Variants in ADAT2 observed in about 807,000 individuals in gnomAD.
ADAT2 encodes the protein tRNA-specific adenosine-34 deaminase catalytic subunit ADAT2.
ADAT2 carries 26 observed loss-of-function variants against 25.9 expected under a neutral mutation model. The observed-to-expected ratio is 1.00, with a 90% confidence interval of 0.74 to 1.39. The LOEUF (loss-of-function observed/expected upper bound fraction) is 1.39. Among genes scored for constraint, ADAT2 ranks in the 40% most tolerant of loss-of-function variants. ADAT2 has a pLI of 0.00. For missense variants in ADAT2, 220 were observed against 244.8 expected, an observed-to-expected ratio of 0.90 and a Z score of 0.68; for synonymous variants, 76 against 86.8, an observed-to-expected ratio of 0.88 and a Z score of 0.69.
Position 143,444,869 on chromosome 6 carries a change from A to G in ADAT2, c.96+5694T>C, listed in dbSNP as rs1779557539. The stretch of plus-strand genomic sequence containing the variant: ...GTTTATTATTTTCTCCAAAGACATT[A>G]CTACTATAAACTGCTTTCTAGTGAT... On this transcript the variant is annotated intron_variant, in intron 1 of 5. Coordinates refer to ENST00000237283, the MANE Select transcript of ADAT2 (RefSeq NM_182503.3). The surrounding 1 kb of genome is among the most constrained non-coding windows in gnomAD (Gnocchi z 4.3). The G allele has an allele frequency of 8.5e-7, 1 of 1,180,514 alleles. No homozygotes were observed. Among genetic ancestry groups the G allele is most frequent in the South Asian group, 1.4e-5 (1 of 71,868 alleles). The allele number at this position is 1,180,514 out of a possible 1,614,324, so 73.1% of individuals were successfully genotyped here.
At chr6:143,430,527 G>A (rs1417306525) in intron 4 of ADAT2, among the ~76,000 whole-genome samples, 2 of 152,058 alleles carry the variant, frequency 1.3e-5, no homozygotes, top group African/African-American at 4.8e-5. Context: ...ATCCATTATA[G>A]CAACAAATTT....
rs1386674438 is a variant in ADAT2 at position 143,424,736 on chromosome 6, G to GA, written c.*3726dup. The stretch of plus-strand genomic sequence containing the variant: ...ATCACTATTTAAAACATTCTTATTA[G>GA]AAAAATTTTTTTTATCAATTTTGGC... On this transcript the variant is annotated 3_prime_UTR_variant, in exon 6 of 6. Transcript: ENST00000237283. The surrounding 1 kb of genome is among the most constrained non-coding windows in gnomAD (Gnocchi z 4.8). 2.0e-5 allele frequency: 3 copies of GA among 152,194 alleles called. No individual in the cohort carries two copies. In the East Asian group the frequency reaches 5.8e-4, roughly 30 times the overall value. The allele number at this position is 152,194 out of a possible 1,614,324, so 9.4% of individuals were successfully genotyped here. A position where few individuals can be genotyped will look rare whatever the true frequency, so the allele number is the denominator to read the frequency against.
At position 143,434,614 on chromosome 6, in the gene ADAT2, C is replaced by T. The variant is rs182093899; in HGVS notation, c.202-633G>A. Among the ~76,000 whole-genome samples, 6 of 152,272 alleles carry T rather than the reference C, an allele frequency of 3.9e-5. No individual in the cohort carries two copies. The highest frequency in any genetic ancestry group is 2.1e-4 in the South Asian group (1 of 4,826). On this transcript the variant is annotated intron_variant, in intron 2 of 5. Transcript: ENST00000237283. The surrounding 1 kb of genome is among the most constrained non-coding windows in gnomAD (Gnocchi z 4.5). The stretch of plus-strand genomic sequence containing the variant: ...TGACATTACCAATTATGTGGACTTA[C>T]GCAAGTAACTTAACTTCTGTAAGTC...
At chr6:143,445,680 G>A (rs1392428906) in intron 1 of ADAT2, among the ~76,000 whole-genome samples, 1 of 152,104 alleles carries the variant, frequency 6.6e-6, no homozygotes, top group Non-Finnish European at 1.5e-5. Flanking sequence ...ATCTGTGCCT[G>A]ACTTAATTTC....
At chr6:143,429,450 A>C (rs9496622) in intron 4 of ADAT2, among the ~76,000 whole-genome samples, 1 of 152,000 alleles carries the variant, frequency 6.6e-6, no homozygotes, top group Non-Finnish European at 1.5e-5. Flanking sequence ...AATTGTGCTA[A>C]CAGTAAGGAG....
intron 1 of ADAT2, among the ~76,000 whole-genome samples, chr6:143,447,606 T>A (rs1000534587): frequency 3.3e-5 from 5 of 152,186 alleles, no homozygotes; most frequent in Admixed American, 6.5e-5. Flanking sequence ...AACCCTTTTT[T>A]ATAGTTTGAA....
intron 3 of ADAT2, 132 bp downstream of exon 3, chr6:143,433,698 CT>C (rs1417181186): frequency 6.5e-6 from 6 of 917,148 alleles, no homozygotes; most frequent in Non-Finnish European, 7.6e-6. Context: ...TTTTTTTTGG[CT>C]AAGACACACT....
intron 2 of ADAT2, among the ~76,000 whole-genome samples, chr6:143,435,157 T>TAAAA (rs1554278578): frequency 9.0e-5 from 11 of 122,058 alleles, no homozygotes; most frequent in South Asian, 2.6e-4. Context: ...GTGGAGAGTT[T>TAAAA]AAAAAAAAAA....
Position 143,432,592 on chromosome 6 carries a change from A to G in ADAT2, c.372T>C (p.Tyr124=), listed in dbSNP as rs980157596. Residue 124 remains tyrosine (Y), a synonymous_variant, in exon 4 of 6, where the codon TAT becomes TAC. Coordinates refer to ENST00000237283, the MANE Select transcript of ADAT2 (RefSeq NM_182503.3). This position sits in a 1 kb window ranked among gnomAD's most constrained non-coding sequence, Gnocchi z 4.4. The part of the protein sequence containing the change: ...LRLMKIPLVV[Y]GCQNERFGGC... Reference sequence around the variant, plus strand: ...CACCAAATCGTTCATTCTGACAGCCATATACAACCAGCGGGATTTATAAGA... The same window carrying G: ...CACCAAATCGTTCATTCTGACAGCCGTATACAACCAGCGGGATTTATAAGA... 3 of 1,614,114 alleles carry G rather than the reference A, an allele frequency of 1.9e-6. No individual in the cohort carries two copies. Among genetic ancestry groups the G allele is most frequent in the Non-Finnish European group, 2.5e-6 (3 of 1,180,036 alleles).
chr6:143,427,096 A>AACACACACAGACACACACACACACAC lies in ADAT2; in HGVS notation c.*1366_*1367insGTGTGTGTGTGTGTGTCTGTGTGTGT, dbSNP rs1778954396. On this transcript the variant is annotated 3_prime_UTR_variant, in exon 6 of 6. Transcript: ENST00000237283. ...CCATAAAACTTTTCAAATGCAGTTA[A>AACACACACAGACACACACACACACAC]ACACACACACACACACACACACACA... is the stretch of plus-strand genomic sequence containing the variant. 1 of 140,176 alleles carries AACACACACAGACACACACACACACAC rather than the reference A, an allele frequency of 7.1e-6. No individual in the cohort carries two copies. The highest frequency in any genetic ancestry group is 1.5e-5 in the Non-Finnish European group (1 of 64,902). 8.7% of individuals were successfully genotyped at this position (140,176 alleles called of 1,614,324 possible).
chr6:143,426,920 A>C lies in ADAT2; in HGVS notation c.*1543T>G, dbSNP rs1032667174. 1.3e-5 allele frequency: 2 copies of C among 151,994 alleles called. No individual in the cohort carries two copies. The highest frequency in any genetic ancestry group is 2.4e-5 in the African/African-American group (1 of 41,244). The allele number at this position is 151,994 out of a possible 1,614,324, so 9.4% of individuals were successfully genotyped here. A position where few individuals can be genotyped will look rare whatever the true frequency, so the allele number is the denominator to read the frequency against. On this transcript the variant is annotated 3_prime_UTR_variant, in exon 6 of 6. Transcript: ENST00000237283. The surrounding 1 kb of genome is among the most constrained non-coding windows in gnomAD (Gnocchi z 4.1). ...AAATGCAATGAAATCTGCTTGCAGG[A>C]AAGCATAAGAAGCCAGAAATGAATT...
rs1779216459 is a variant in ADAT2, at chr6:143,434,706, T to C, written c.202-725A>G. On this transcript the variant is annotated intron_variant, in intron 2 of 5. Coordinates refer to ENST00000237283, the MANE Select transcript of ADAT2 (RefSeq NM_182503.3). The surrounding 1 kb of genome is among the most constrained non-coding windows in gnomAD (Gnocchi z 4.5). ...ACTTATAAACCTTATAAATCTGAAT[T>C]ACATGAAGCATGGTGCCACATAATA... Among the ~76,000 whole-genome samples, 1 of 152,214 alleles carries C rather than the reference T, an allele frequency of 6.6e-6. No individual in the cohort carries two copies. The highest frequency in any genetic ancestry group is 2.4e-5 in the African/African-American group (1 of 41,466).
Position 143,428,419 on chromosome 6 carries a change from G to C in ADAT2, c.*44C>G, listed in dbSNP as rs79235171. ...CAACAGCTTTCAGTCTATGAATCTT[G>C]TCCAGGTCACTTTGGGTCACTTGGT... On this transcript the variant is annotated 3_prime_UTR_variant, in exon 6 of 6. Transcript: ENST00000237283. The surrounding 1 kb of genome is among the most constrained non-coding windows in gnomAD (Gnocchi z 5.0). 3,280 of 1,594,578 alleles carry C rather than the reference G, an allele frequency of 2.1e-3. 58 individuals are homozygous for C. The African/African-American group carries it at 0.037, about 18-fold the overall frequency.
rs144688930 is a variant in ADAT2 at position 143,423,908 on chromosome 6, T to C, written c.*4555A>G. On this transcript the variant is annotated 3_prime_UTR_variant, in exon 6 of 6. Transcript: ENST00000237283. ...AATGGGGGCCAAGGTGGAGGCCTGGTTAAAAAGAGGACTTAGGGCCTGACT... is the reference window on the plus strand; with the variant it reads ...AATGGGGGCCAAGGTGGAGGCCTGGCTAAAAAGAGGACTTAGGGCCTGACT... The C allele has an allele frequency of 0.017, 2,557 of 152,258 alleles. 28 individuals are homozygous for C. Among genetic ancestry groups the C allele is most frequent in the Middle Eastern group, 0.041 (12 of 296 alleles). 9.4% of individuals were successfully genotyped at this position (152,258 alleles called of 1,614,324 possible). A position where few individuals can be genotyped will look rare whatever the true frequency, so the allele number is the denominator to read the frequency against.
In ADAT2 at chr6:143,444,167, C is replaced by A. The variant is rs1779533721; in HGVS notation, c.97-5473G>T. On this transcript the variant is annotated intron_variant, in intron 1 of 5. Transcript: ENST00000237283. The surrounding 1 kb of genome is among the most constrained non-coding windows in gnomAD (Gnocchi z 4.3). ...TTCATTTCACTCCTCTCAATATTAT[C>A]TTCATGTTTATTTTGAGTAACACAG... Among the ~76,000 whole-genome samples, 1 of 152,126 alleles carries A rather than the reference C, an allele frequency of 6.6e-6. No individual in the cohort carries two copies. Among genetic ancestry groups the A allele is most frequent in the South Asian group, 2.1e-4 (1 of 4,828 alleles).
Position 143,426,462 on chromosome 6 carries a change from C to T in ADAT2, c.*2001G>A, listed in dbSNP as rs1440372794. 1 of 152,092 alleles carries T rather than the reference C, an allele frequency of 6.6e-6. No individual in the cohort carries two copies. Among genetic ancestry groups the T allele is most frequent in the East Asian group, 1.9e-4 (1 of 5,198 alleles). 9.4% of individuals were successfully genotyped at this position (152,092 alleles called of 1,614,324 possible). A position where few individuals can be genotyped will look rare whatever the true frequency, so the allele number is the denominator to read the frequency against. ...AGTCCAAACATTTAGGACAGATTTTCGATAGGTTAATTACTGAAGAGGGAA... is the reference window on the plus strand; with the variant it reads ...AGTCCAAACATTTAGGACAGATTTTTGATAGGTTAATTACTGAAGAGGGAA... On this transcript the variant is annotated 3_prime_UTR_variant, in exon 6 of 6. Transcript: ENST00000237283. This position sits in a 1 kb window ranked among gnomAD's most constrained non-coding sequence, Gnocchi z 4.1.
rs774675878 is a variant in ADAT2, at chr6:143,433,798, T to C, written c.352+33A>G. On this transcript the variant is annotated intron_variant, in intron 3 of 5. Transcript: ENST00000237283. ...GCCACTCTCTTGTTCACACGAATGG[T>C]ACGATACATTAACTCATGAAGTCAA... 6.8e-6 allele frequency: 11 copies of C among 1,607,652 alleles called. No homozygotes were observed. The Admixed American group carries it at 1.7e-4, about 25-fold the overall frequency.
chr6:143,423,597 A>T lies in ADAT2; in HGVS notation c.*4866T>A, dbSNP rs1399705702. ...TATCGCAGGTTTTAAAACTATCCCA[A>T]CAAGAGGAAGAGATCAGGCTCAGCT... On this transcript the variant is annotated 3_prime_UTR_variant, in exon 6 of 6. Coordinates refer to ENST00000237283, the MANE Select transcript of ADAT2 (RefSeq NM_182503.3). 6.6e-6 allele frequency: 1 copy of T among 152,252 alleles called. No individual in the cohort carries two copies. Among genetic ancestry groups the T allele is most frequent in the Admixed American group, 6.5e-5 (1 of 15,284 alleles). 9.4% of individuals were successfully genotyped at this position (152,252 alleles called of 1,614,324 possible). A position where few individuals can be genotyped will look rare whatever the true frequency, so the allele number is the denominator to read the frequency against.
At position 143,426,359 on chromosome 6, in the gene ADAT2, C is replaced by T. The variant is rs1347282054; in HGVS notation, c.*2104G>A. ...CCATAGAGCTAATGTCTATGACACC[C>T]TCAGTGGTCCTGCCCTCCAATCTGC... is the stretch of plus-strand genomic sequence containing the variant. On this transcript the variant is annotated 3_prime_UTR_variant, in exon 6 of 6. Transcript: ENST00000237283. The surrounding 1 kb of genome is among the most constrained non-coding windows in gnomAD (Gnocchi z 4.1). 2 of 152,186 alleles carry T rather than the reference C, an allele frequency of 1.3e-5. No individual in the cohort carries two copies. Among genetic ancestry groups the T allele is most frequent in the Non-Finnish European group, 2.9e-5 (2 of 68,028 alleles). The allele number at this position is 152,186 out of a possible 1,614,324, so 9.4% of individuals were successfully genotyped here. A position where few individuals can be genotyped will look rare whatever the true frequency, so the allele number is the denominator to read the frequency against.
Sources: gnomAD v4.1 joint callset for allele counts (sites outside exome capture counted in the v4.1 genomes callset) on GRCh38, gnomAD v4.1.1 for gene constraint, Gnocchi (gnomAD v3.1) non-coding constraint, MANE v1.5 for transcripts, NCBI Gene and HGNC (gene_info 2026-07-23, HGNC 2026-07-21) for gene names.